The following RIT2 variants were observed in gnomAD, a reference collection of about 807,000 sequenced individuals.
RIT2 encodes the protein GTP-binding protein Rit2.
RIT2 carries 24 observed loss-of-function variants against 23.7 expected under a neutral mutation model. That is an observed-to-expected ratio of 1.01 (90% CI 0.73 to 1.43). RIT2 has a LOEUF of 1.43. Among genes scored for constraint, RIT2 ranks in the 40% most tolerant of loss-of-function variants. The probability of loss-of-function intolerance (pLI) is 0.00; values close to 1 mark genes in which losing one functional copy is unlikely to be tolerated. For missense variants in RIT2, 236 were observed against 266.9 expected, an observed-to-expected ratio of 0.88 and a Z score of 0.81; for synonymous variants, 107 against 91.1, an observed-to-expected ratio of 1.17 and a Z score of -0.99.
chr18:42,767,275 G>A (rs757624005), intron 4 of RIT2, among the ~76,000 whole-genome samples: 3 of 152,218 alleles, frequency 2.0e-5, no homozygotes, highest in Non-Finnish European at 4.4e-5. Context: ...CACAGGGGCA[G>A]AGCTGCCCAA....
At chr18:42,789,461 G>A (rs1040295399) in intron 4 of RIT2, among the ~76,000 whole-genome samples, 1 of 152,162 alleles carries the variant, frequency 6.6e-6, no homozygotes. Flanking sequence ...TCTGGTCCAT[G>A]AGCATGTGAA....
chr18:42,880,627 C>T (rs1907863154), intron 4 of RIT2, among the ~76,000 whole-genome samples: 1 of 151,952 alleles, frequency 6.6e-6, no homozygotes. Context: ...CTTAGAGTTT[C>T]CTGTCTCCAT....
intron 4 of RIT2, among the ~76,000 whole-genome samples, chr18:42,797,882 C>T (rs566924978): frequency 6.6e-6 from 1 of 152,218 alleles, no homozygotes; most frequent in East Asian, 1.9e-4. Context: ...ATAAGACATA[C>T]AATGCTTACA....
At chr18:43,113,836 C>A (rs926921231) in intron 1 of RIT2, among the ~76,000 whole-genome samples, 2 of 152,178 alleles carry the variant, frequency 1.3e-5, no homozygotes, top group Non-Finnish European at 2.9e-5. Flanking sequence ...ATCTCCCTGA[C>A]CTCACAAGCT....
chr18:42,949,223 A>G (rs914101545), intron 3 of RIT2, among the ~76,000 whole-genome samples: 2 of 152,100 alleles, frequency 1.3e-5, no homozygotes, highest in Non-Finnish European at 2.9e-5. Context: ...TGAAATGCCA[A>G]TAATTCCCTA....
intron 4 of RIT2, among the ~76,000 whole-genome samples, chr18:42,744,286 C>G (rs1306181302): frequency 6.6e-6 from 1 of 152,174 alleles, no homozygotes; most frequent in African/African-American, 2.4e-5. Flanking sequence ...GGTCTCTTCA[C>G]ATGGACGCAC....
At chr18:42,816,200 T>C (rs1905994110) in intron 4 of RIT2, among the ~76,000 whole-genome samples, 3 of 151,732 alleles carry the variant, frequency 2.0e-5, no homozygotes, top group African/African-American at 4.8e-5. Flanking sequence ...TACCCCCCCA[T>C]GGCTGATTTC....
At chr18:42,954,391 A>G (rs1336097500) in intron 3 of RIT2, among the ~76,000 whole-genome samples, 1 of 151,852 alleles carries the variant, frequency 6.6e-6, no homozygotes. Context: ...AAAAAAAAAA[A>G]AAACCTGTAA....
intron 4 of RIT2, among the ~76,000 whole-genome samples, chr18:42,863,486 T>C (rs1907384798): frequency 6.6e-6 from 1 of 152,066 alleles, no homozygotes; most frequent in African/African-American, 2.4e-5. Context: ...AGAAGAAAAT[T>C]CTCCCACTAC....
intron 1 of RIT2, among the ~76,000 whole-genome samples, chr18:43,104,548 C>A (rs1021887362): frequency 6.6e-6 from 1 of 151,854 alleles, no homozygotes; most frequent in Non-Finnish European, 1.5e-5. Context: ...ATGATTATTA[C>A]TTGTCAACTA....
intron 4 of RIT2, among the ~76,000 whole-genome samples, chr18:42,828,197 G>T (rs555614623): frequency 6.0e-4 from 92 of 152,106 alleles, no homozygotes; most frequent in African/African-American, 1.9e-3. Context: ...TCTAGAGAGG[G>T]CTTTGTCAAT....
chr18:42,743,739 A>G lies in RIT2; in HGVS notation c.427-19T>C, dbSNP rs767509077. On this transcript the variant is annotated intron_variant, in intron 4 of 4. Coordinates refer to ENST00000326695, the MANE Select transcript of RIT2 (RefSeq NM_002930.4). ...TAGAAACCTAAGGAAAAAACAAATA[A>G]TATTAAAAAGACAGAAAGAGAAAGA... The G allele has an allele frequency of 6.5e-7, 1 of 1,531,312 alleles. No individual in the cohort carries two copies. The highest frequency in any genetic ancestry group is 9.0e-7 in the Non-Finnish European group (1 of 1,117,244). 94.9% of individuals were successfully genotyped at this position (1,531,312 alleles called of 1,614,324 possible).
chr18:42,993,696 C>T (rs938982294), intron 2 of RIT2, among the ~76,000 whole-genome samples: 12 of 152,066 alleles, frequency 7.9e-5, no homozygotes, highest in Admixed American at 2.0e-4. Context: ...GCTACAGCCA[C>T]ACCTCATTGC....
At chr18:42,746,749 C>T (rs1912925478) in intron 4 of RIT2, among the ~76,000 whole-genome samples, 2 of 151,870 alleles carry the variant, frequency 1.3e-5, no homozygotes, top group Admixed American at 6.6e-5. Context: ...CAGTATAACC[C>T]TAATACCAAA....
intron 4 of RIT2, among the ~76,000 whole-genome samples, chr18:42,902,521 A>G (rs1360928596): frequency 6.6e-6 from 1 of 151,520 alleles, no homozygotes; most frequent in Non-Finnish European, 1.5e-5. Context: ...TACATATATT[A>G]TTTTTTATAT....
intron 4 of RIT2, among the ~76,000 whole-genome samples, chr18:42,891,843 C>T (rs1908186130): frequency 1.3e-5 from 2 of 151,944 alleles, no homozygotes; most frequent in African/African-American, 2.4e-5. Context: ...TTTCAAAACC[C>T]ATATAATGTA....
At chr18:43,009,831 C>T (rs1392308413) in intron 2 of RIT2, among the ~76,000 whole-genome samples, 1 of 151,654 alleles carries the variant, frequency 6.6e-6, no homozygotes, top group Non-Finnish European at 1.5e-5. Context: ...AACCAGGAAG[C>T]TTCTTTCACC....
intron 4 of RIT2, among the ~76,000 whole-genome samples, chr18:42,774,081 G>A (rs1421500000): frequency 1.3e-5 from 2 of 152,066 alleles, no homozygotes; most frequent in African/African-American, 4.8e-5. Context: ...GGAGCCAGTA[G>A]GTTAACACTT....
At chr18:42,846,528 G>A (rs191851683) in intron 4 of RIT2, among the ~76,000 whole-genome samples, 25 of 151,852 alleles carry the variant, frequency 1.6e-4, no homozygotes, top group African/African-American at 5.8e-4. Flanking sequence ...ACAAACATAG[G>A]TGCCAAAATC....
Sources: gnomAD v4.1 joint callset for allele counts (sites outside exome capture counted in the v4.1 genomes callset) on GRCh38, gnomAD v4.1.1 for gene constraint, MANE v1.5 for transcripts, NCBI Gene and HGNC (gene_info 2026-07-23, HGNC 2026-07-21) for gene names.